The following PRKN variants were observed in gnomAD, a reference collection of about 807,000 sequenced individuals.
PRKN encodes the protein E3 ubiquitin-protein ligase parkin.
A neutral mutation model predicts 59.5 loss-of-function variants in PRKN; 56 were observed. The ratio of observed to expected loss-of-function variants is 0.94; its 90% CI spans 0.76 to 1.18. The LOEUF is 1.18. Ranked by LOEUF, PRKN falls within the 50% of genes most tolerant of loss-of-function variation. The pLI is 0.00. For missense variants in PRKN, 657 were observed against 596.4 expected, an observed-to-expected ratio of 1.10 and a Z score of -1.06; for synonymous variants, 250 against 222.1, an observed-to-expected ratio of 1.13 and a Z score of -1.12.
intron 9 of PRKN, among the ~76,000 whole-genome samples, chr6:161,404,526 T>G (rs1027199567): frequency 1.3e-5 from 2 of 152,190 alleles, no homozygotes; most frequent in Admixed American, 1.3e-4. Context: ...CATGAGCCAC[T>G]GAACGCAGTT....
chr6:161,827,243 G>C (rs1318895052), intron 6 of PRKN, among the ~76,000 whole-genome samples: 1 of 152,190 alleles, frequency 6.6e-6, no homozygotes, highest in African/African-American at 2.4e-5. Context: ...TGAAGACCCT[G>C]AAGATGCTGT....
At chr6:162,617,985 G>T (rs528707559) in intron 1 of PRKN, among the ~76,000 whole-genome samples, 1 of 152,134 alleles carries the variant, frequency 6.6e-6, no homozygotes. Context: ...AACCTGAGGT[G>T]CAGAGATTTG....
intron 9 of PRKN, among the ~76,000 whole-genome samples, chr6:161,490,142 G>T (rs1777493756): frequency 1.3e-5 from 2 of 152,170 alleles, no homozygotes; most frequent in African/African-American, 4.8e-5. Context: ...AGTTGAAGAA[G>T]AAAAGAGGAG....
chr6:162,568,695 C>T, intron 1 of PRKN: 1 of 837,714 alleles, frequency 1.2e-6, no homozygotes, highest in Non-Finnish European at 2.0e-6. Flanking sequence ...CCTGCAGCAG[C>T]AGAAGATGGC....
chr6:162,175,424 T>C (rs1022498649), intron 4 of PRKN, among the ~76,000 whole-genome samples: 3 of 152,212 alleles, frequency 2.0e-5, no homozygotes, highest in African/African-American at 7.2e-5. Context: ...GAAGATGTCC[T>C]GAATAGCTAT....
intron 7 of PRKN, among the ~76,000 whole-genome samples, chr6:161,710,932 C>CCTTT (rs1786724541): frequency 6.8e-6 from 1 of 146,188 alleles, no homozygotes; most frequent in Non-Finnish European, 1.5e-5. Flanking sequence ...CTCACCCCTT[C>CCTTT]CTTCCTTCCT....
At chr6:162,266,617 T>G (rs540760797) in intron 2 of PRKN, 17 of 152,280 alleles carry the variant, frequency 1.1e-4, no homozygotes, top group African/African-American at 3.8e-4. Context: ...GAATTTAAAG[T>G]CAAACGGACT....
At chr6:162,644,647 T>C (rs538165185) in intron 1 of PRKN, among the ~76,000 whole-genome samples, 1 of 152,186 alleles carries the variant, frequency 6.6e-6, no homozygotes, top group African/African-American at 2.4e-5. Flanking sequence ...GCCCTAATTA[T>C]AGAGCCCCAA....
chr6:161,845,631 A>G (rs538897173), intron 6 of PRKN, among the ~76,000 whole-genome samples: 6 of 152,290 alleles, frequency 3.9e-5, no homozygotes, highest in African/African-American at 1.4e-4. Context: ...AGACCCTAGG[A>G]TTAAAGTGGT....
chr6:161,951,238 G>C (rs965629480), intron 6 of PRKN, among the ~76,000 whole-genome samples: 1 of 152,110 alleles, frequency 6.6e-6, no homozygotes. Context: ...GGAACTCCAA[G>C]TCTGCCTTAA....
At position 161,372,540 on chromosome 6, in the gene PRKN, C is replaced by T. The variant is rs1000093716; in HGVS notation, c.1168-12335G>A. 1.3e-5 allele frequency among the ~76,000 whole-genome samples: 2 copies of T among 152,190 alleles called. No homozygotes were observed. Among genetic ancestry groups the T allele is most frequent in the Non-Finnish European group, 2.9e-5 (2 of 68,038 alleles). On this transcript the variant is annotated intron_variant, in intron 10 of 11. Transcript: ENST00000366898. The surrounding 1 kb of genome is among the most constrained non-coding windows in gnomAD (Gnocchi z 4.2). ...TGTCCTGGACCCTGGGGATACATCC[C>T]AGTAAACAAGAGAGATGACAAATAG...
chr6:162,305,438 T>C (rs569406851), intron 2 of PRKN, among the ~76,000 whole-genome samples: 1 of 152,264 alleles, frequency 6.6e-6, no homozygotes, highest in East Asian at 1.9e-4. Flanking sequence ...GTATGTTTCA[T>C]ATAATGTTTC....
rs912124860 is a variant in PRKN, at chr6:161,378,018, G to A, written c.1167+8776C>T. ...GTGGACTGTGTGTGGAAAGGAAAGA[G>A]TCCTGAGTTAGGAAGAGATACAAGC... On this transcript the variant is annotated intron_variant, in intron 10 of 11. Transcript: ENST00000366898. The surrounding 1 kb of genome is among the most constrained non-coding windows in gnomAD (Gnocchi z 7.3). Among the ~76,000 whole-genome samples, 2 of 152,170 alleles carry A rather than the reference G, an allele frequency of 1.3e-5. No homozygotes were observed. Among genetic ancestry groups the A allele is most frequent in the Non-Finnish European group, 2.9e-5 (2 of 68,040 alleles).
chr6:161,600,059 A>G (rs1310941718), intron 7 of PRKN, among the ~76,000 whole-genome samples: 1 of 152,168 alleles, frequency 6.6e-6, no homozygotes, highest in South Asian at 2.1e-4. Flanking sequence ...TTAATGATAT[A>G]ATTTCTTTTT....
Position 161,360,344 on chromosome 6 carries a change from T to C in PRKN, c.1168-139A>G. 2.7e-6 allele frequency: 2 copies of C among 741,752 alleles called. No individual in the cohort carries two copies. The highest frequency in any genetic ancestry group is 4.9e-6 in the Non-Finnish European group (2 of 408,786). 45.9% of individuals were successfully genotyped at this position (741,752 alleles called of 1,614,324 possible). ...CAAGAAGCCTAAATATCAATGCACT[T>C]GACAAATGCTAGACAGCTACTAGGC... On this transcript the variant is annotated intron_variant, in intron 10 of 11. Coordinates refer to ENST00000366898, the MANE Select transcript of PRKN (RefSeq NM_004562.3). This position sits in a 1 kb window ranked among gnomAD's most constrained non-coding sequence, Gnocchi z 5.1.
In PRKN at chr6:161,762,942, A is replaced by T. The variant is rs142606264; in HGVS notation, c.871+22830T>A. Among the ~76,000 whole-genome samples, 1,069 of 152,282 alleles carry T rather than the reference A, an allele frequency of 7.0e-3. 10 individuals carry two copies. Among genetic ancestry groups the T allele is most frequent in the African/African-American group, 0.025 (1,020 of 41,552 alleles). Reference sequence around the variant, plus strand: ...TAACATTTAAGTAGACAAAAAATGGAGAGAACATGAAATACTGAGAGACTA... The same window carrying T: ...TAACATTTAAGTAGACAAAAAATGGTGAGAACATGAAATACTGAGAGACTA... On this transcript the variant is annotated intron_variant, in intron 7 of 11. Transcript: ENST00000366898.
chr6:162,508,683 T>C (rs1410840965), intron 1 of PRKN, among the ~76,000 whole-genome samples: 1 of 152,116 alleles, frequency 6.6e-6, no homozygotes, highest in Non-Finnish European at 1.5e-5. Flanking sequence ...CCTCTCAGAC[T>C]CTTTAAGGAC....
At chr6:162,160,440 C>A (rs114126713) in intron 4 of PRKN, among the ~76,000 whole-genome samples, 1 of 152,016 alleles carries the variant, frequency 6.6e-6, no homozygotes, top group Non-Finnish European at 1.5e-5. Context: ...GAATGGCAGT[C>A]GGAGACTTTC....
intron 1 of PRKN, among the ~76,000 whole-genome samples, chr6:162,673,602 T>G (rs1779418183): frequency 6.6e-6 from 1 of 152,112 alleles, no homozygotes; most frequent in Admixed American, 6.5e-5. Context: ...CCCAGGCTGA[T>G]CTCCAACTCC....
Sources: allele counts gnomAD v4.1 joint callset (sites outside exome capture counted in the v4.1 genomes callset), GRCh38; gene constraint gnomAD v4.1.1; non-coding constraint Gnocchi (gnomAD v3.1); transcripts MANE v1.5; gene names NCBI Gene and HGNC (gene_info 2026-07-23, HGNC 2026-07-21).